Variants in ATP2C1 observed in about 807,000 individuals in gnomAD.
ATP2C1 encodes ATPase secretory pathway Ca2+ transporting 1, also known as calcium-transporting ATPase type 2C member 1.
A neutral mutation model predicts 120.5 loss-of-function variants in ATP2C1; 31 were observed. That is an observed-to-expected ratio of 0.26 (90% CI 0.19 to 0.35). The LOEUF (loss-of-function observed/expected upper bound fraction) is 0.35. Among genes scored for constraint, ATP2C1 ranks in the 10% least tolerant of loss-of-function variants. The probability of loss-of-function intolerance (pLI) is 1.00; values close to 1 mark genes in which losing one functional copy is unlikely to be tolerated. For missense variants in ATP2C1, 731 were observed against 1,107.5 expected (o/e 0.66, Z 4.83); for synonymous variants, 351 against 358.7 (o/e 0.98, Z 0.24).
At chr3:130,854,929 G>A (rs757222598) in intron 1 of ATP2C1, among the ~76,000 whole-genome samples, 1 of 152,118 alleles carries the variant, frequency 6.6e-6, no homozygotes, top group Admixed American at 6.5e-5. Flanking sequence ...CAGACTGAAT[G>A]TGTCCAAAGA....
chr3:130,896,535 C>T (rs2069646183), intron 2 of ATP2C1, among the ~76,000 whole-genome samples: 2 of 152,048 alleles, frequency 1.3e-5, no homozygotes, highest in African/African-American at 4.8e-5. Context: ...TAGAAATTTT[C>T]AAAAGTGACT....
chr3:130,978,536 T>C lies in ATP2C1; in HGVS notation c.1571-713T>C, dbSNP rs571941627. On this transcript the variant is annotated intron_variant, in intron 18 of 27. Coordinates refer to ENST00000510168, the MANE Select transcript of ATP2C1 (RefSeq NM_001378687.1). ...ATGAAAAGTACTTTGTACTATATCT[T>C]ACATGCCCAAGGATGATGACAGGGA... 7.2e-5 allele frequency among the ~76,000 whole-genome samples: 11 copies of C among 152,280 alleles called. No individual in the cohort carries two copies. In the South Asian group the frequency reaches 2.3e-3, roughly 32 times the overall value.
Position 130,937,066 on chromosome 3 carries a change from A to G in ATP2C1, c.325-362A>G, listed in dbSNP as rs568884574. Among the ~76,000 whole-genome samples the G allele has an allele frequency of 2.0e-5, 3 of 152,314 alleles. No individual in the cohort carries two copies. In the East Asian group the frequency reaches 5.8e-4, roughly 29 times the overall value. On this transcript the variant is annotated intron_variant, in intron 5 of 27. Transcript: ENST00000510168. ...CATAAAGTTATTTGTGTTAGCATGT[A>G]ATGAGGTTTAAAATTTTTTACATGA...
At chr3:130,949,326 A>G (rs1480484223) in intron 8 of ATP2C1, among the ~76,000 whole-genome samples, 1 of 152,180 alleles carries the variant, frequency 6.6e-6, no homozygotes, top group Admixed American at 6.5e-5. Flanking sequence ...AAAGGTTTCG[A>G]TAAAACATAA....
At chr3:130,884,956 G>A (rs1173245656) in intron 1 of ATP2C1, among the ~76,000 whole-genome samples, 14 of 133,748 alleles carry the variant, frequency 1.0e-4, no homozygotes, top group African/African-American at 2.5e-4. Context: ...TTTTTAAGAC[G>A]GAGTCTTGCT....
intron 1 of ATP2C1, among the ~76,000 whole-genome samples, chr3:130,864,915 C>T (rs898867996): frequency 5.9e-5 from 9 of 152,164 alleles, no homozygotes; most frequent in African/African-American, 2.2e-4. Context: ...GAGTCAGAGC[C>T]CCCATACAGA....
At chr3:130,860,108 G>A (rs2067968080) in intron 1 of ATP2C1, among the ~76,000 whole-genome samples, 1 of 152,210 alleles carries the variant, frequency 6.6e-6, no homozygotes, top group Non-Finnish European at 1.5e-5. Context: ...GTTAATGTAT[G>A]ATTATTTTTC....
intron 1 of ATP2C1, among the ~76,000 whole-genome samples, chr3:130,860,039 G>GT (rs1228636980): frequency 6.6e-6 from 1 of 152,202 alleles, no homozygotes; most frequent in African/African-American, 2.4e-5. Flanking sequence ...TAAAGTGATG[G>GT]TTTTTAAATA....
chr3:131,005,609 G>A (rs1421253910), downstream of ATP2C1, among the ~76,000 whole-genome samples: 1 of 152,142 alleles, frequency 6.6e-6, no homozygotes, highest in Non-Finnish European at 1.5e-5. Flanking sequence ...TTTCCCAGAC[G>A]GATGTGTTAA....
At chr3:130,899,949 G>C (rs926561687) in intron 2 of ATP2C1, among the ~76,000 whole-genome samples, 1 of 152,052 alleles carries the variant, frequency 6.6e-6, no homozygotes, top group East Asian at 1.9e-4. Flanking sequence ...AGGCCTTTTG[G>C]TTTGACATTT....
At chr3:130,895,666 A>T (rs572191483) in intron 2 of ATP2C1, among the ~76,000 whole-genome samples, 2 of 152,306 alleles carry the variant, frequency 1.3e-5, no homozygotes, top group African/African-American at 4.8e-5. Context: ...TTTAAAAAAT[A>T]TGTGTCTGGT....
chr3:131,000,475 A>G (rs2062833064), intron 27 of ATP2C1, among the ~76,000 whole-genome samples: 1 of 152,226 alleles, frequency 6.6e-6, no homozygotes, highest in African/African-American at 2.4e-5. Context: ...TTGTAAAGAC[A>G]AGTCTTCTAT....
chr3:131,003,436 G>A (rs2108981140), downstream of ATP2C1, among the ~76,000 whole-genome samples: 1 of 152,290 alleles, frequency 6.6e-6, no homozygotes, highest in Middle Eastern at 3.4e-3. Context: ...CTTACTTGAT[G>A]TTTTTCCCTG....
At chr3:130,984,151 G>C (rs1372901334) in intron 20 of ATP2C1, among the ~76,000 whole-genome samples, 1 of 152,158 alleles carries the variant, frequency 6.6e-6, no homozygotes, top group Non-Finnish European at 1.5e-5. Flanking sequence ...TGATGTCTCA[G>C]AGCTAGTAAG....
chr3:130,963,868 TATTA>T, intron 12 of ATP2C1, 99 bp from the exon 13 acceptor site: 6 of 1,403,906 alleles, frequency 4.3e-6, no homozygotes, highest in Non-Finnish European at 5.0e-6. Context: ...GTATTGACTA[TATTA>T]ATTTTGCGTT....
At chr3:130,852,897 A>G (rs1441373513) in intron 1 of ATP2C1, among the ~76,000 whole-genome samples, 1 of 152,220 alleles carries the variant, frequency 6.6e-6, no homozygotes, top group Non-Finnish European at 1.5e-5. Flanking sequence ...GTGAATTTCT[A>G]TCTCATGGCT....
At chr3:130,959,435 A>G (rs1455774541) in intron 12 of ATP2C1, 94 bp downstream of exon 12, 17 of 788,314 alleles carry the variant, frequency 2.2e-5, no homozygotes, top group African/African-American at 8.6e-5. Context: ...TCAGTATTAC[A>G]TGGAGCCCAT....
chr3:130,973,886 C>T (rs2061433992), intron 17 of ATP2C1, among the ~76,000 whole-genome samples: 3 of 152,050 alleles, frequency 2.0e-5, no homozygotes, highest in South Asian at 2.1e-4. Context: ...ATGTGTCCCA[C>T]ACCACACACC....
chr3:130,970,949 T>A (rs1419648736), intron 17 of ATP2C1, among the ~76,000 whole-genome samples: 1 of 152,138 alleles, frequency 6.6e-6, no homozygotes, highest in African/African-American at 2.4e-5. Context: ...AAGATTTCCG[T>A]CTATTCTTTA....
Sources: allele counts gnomAD v4.1 joint callset (sites outside exome capture counted in the v4.1 genomes callset), GRCh38; gene constraint gnomAD v4.1.1; transcripts MANE v1.5; gene names NCBI Gene and HGNC (gene_info 2026-07-23, HGNC 2026-07-21).